The following LRP1B variants were observed in gnomAD, a reference collection of about 807,000 sequenced individuals.
The protein encoded by LRP1B is LDL receptor related protein 1B, also known as low-density lipoprotein receptor-related protein 1B.
In LRP1B, 217 loss-of-function variants were observed where a neutral mutation model predicts 556.6. That is an observed-to-expected ratio of 0.39 (90% CI 0.35 to 0.44). The LOEUF (loss-of-function observed/expected upper bound fraction) is 0.44. Among genes scored for constraint, LRP1B ranks in the 20% least tolerant of loss-of-function variants. LRP1B has a pLI of 1.00. For synonymous variants in LRP1B, 2,047 were observed against 1,865.8 expected, an observed-to-expected ratio of 1.10 and a Z score of -2.50; for missense variants, 5,053 against 5,620.8, an observed-to-expected ratio of 0.90 and a Z score of 3.23.
At chr2:140,479,086 A>T (rs1340156729) in intron 59 of LRP1B, among the ~76,000 whole-genome samples, 1 of 152,002 alleles carries the variant, frequency 6.6e-6, no homozygotes, top group African/African-American at 2.4e-5. Context: ...CTGAAGGAAA[A>T]TGTTGTTCAC....
intron 1 of LRP1B, among the ~76,000 whole-genome samples, chr2:141,987,438 C>T (rs1326360825): frequency 6.6e-6 from 1 of 151,904 alleles, no homozygotes; most frequent in Non-Finnish European, 1.5e-5. Flanking sequence ...TATCCCTGTT[C>T]CTTCCCACTG....
chr2:140,741,048 C>T (rs1193083750), intron 35 of LRP1B, among the ~76,000 whole-genome samples: 2 of 152,138 alleles, frequency 1.3e-5, no homozygotes, highest in East Asian at 3.9e-4. Flanking sequence ...ACACATGATG[C>T]TGCAAATAAC....
chr2:140,660,872 T>C (rs1574207369), intron 41 of LRP1B, among the ~76,000 whole-genome samples: 1 of 41,110 alleles, frequency 2.4e-5, no homozygotes, highest in Non-Finnish European at 3.9e-5. Flanking sequence ...TCTTTTTGTG[T>C]TTTTTTTTTT....
At chr2:142,005,015 TTATA>T (rs1211493963) in intron 1 of LRP1B, among the ~76,000 whole-genome samples, 1 of 148,324 alleles carries the variant, frequency 6.7e-6, no homozygotes, top group Non-Finnish European at 1.5e-5. Flanking sequence ...ATTATAGATA[TTATA>T]TATTTAGTAT....
intron 41 of LRP1B, among the ~76,000 whole-genome samples, chr2:140,652,661 G>GGA (rs1449850736): frequency 3.9e-5 from 6 of 151,940 alleles, no homozygotes; most frequent in Admixed American, 3.9e-4. Context: ...AAAAAATTTA[G>GGA]AATCATGAAA....
At chr2:140,996,435 C>T (rs774964914) in intron 15 of LRP1B, among the ~76,000 whole-genome samples, 17 of 152,028 alleles carry the variant, frequency 1.1e-4, no homozygotes, top group Non-Finnish European at 1.6e-4. Flanking sequence ...GTCTTTTCCC[C>T]GGCATTAAAC....
chr2:140,487,764 T>C lies in LRP1B; in HGVS notation c.9121-25A>G. 4 of 1,416,576 alleles carry C rather than the reference T, an allele frequency of 2.8e-6. 1 individual carries two copies. In the South Asian group the frequency reaches 5.0e-5, roughly 18 times the overall value. The allele number at this position is 1,416,576 out of a possible 1,614,324, so 87.8% of individuals were successfully genotyped here. A position where few individuals can be genotyped will look rare whatever the true frequency, so the allele number is the denominator to read the frequency against. On this transcript the variant is annotated intron_variant, in intron 57 of 90. Coordinates refer to ENST00000389484, the MANE Select transcript of LRP1B (RefSeq NM_018557.3). ...CCTGAAAATAAAAAAGACTATGTTG[T>C]CAATGATAGTTCATAGAAATAATTA...
chr2:140,714,659 A>G (rs1036673790), intron 37 of LRP1B, among the ~76,000 whole-genome samples: 1 of 152,136 alleles, frequency 6.6e-6, no homozygotes, highest in South Asian at 2.1e-4. Flanking sequence ...TATCTATGGG[A>G]TTGCATAACT....
chr2:141,211,958 G>T (rs1049917433), intron 6 of LRP1B, among the ~76,000 whole-genome samples: 3 of 151,876 alleles, frequency 2.0e-5, no homozygotes, highest in Admixed American at 2.0e-4. Flanking sequence ...ACAAACACAA[G>T]ACTATGACTC....
chr2:142,018,786 G>C (rs1278365692), intron 1 of LRP1B, among the ~76,000 whole-genome samples: 1 of 148,444 alleles, frequency 6.7e-6, no homozygotes, highest in East Asian at 1.9e-4. Context: ...CCTGACTTAC[G>C]CTTTTTTTTT....
At chr2:141,450,498 T>C (rs1010973535) in intron 3 of LRP1B, among the ~76,000 whole-genome samples, 1 of 152,026 alleles carries the variant, frequency 6.6e-6, no homozygotes, top group Non-Finnish European at 1.5e-5. Flanking sequence ...AGACCATTTC[T>C]TATACATAAC....
intron 18 of LRP1B, among the ~76,000 whole-genome samples, chr2:140,968,440 G>A (rs1375980317): frequency 2.0e-5 from 3 of 151,056 alleles, no homozygotes; most frequent in African/African-American, 7.3e-5. Context: ...AGTCTTGCTA[G>A]TGGTCTATCA....
chr2:140,934,955 T>C (rs61340682), intron 20 of LRP1B, among the ~76,000 whole-genome samples: 17,650 of 152,162 alleles, frequency 0.12, 1,137 homozygotes, highest in Middle Eastern at 0.16. Context: ...CAAGGGAAAG[T>C]CACAGGCTAA....
chr2:140,824,539 G>A (rs905537666), intron 31 of LRP1B, among the ~76,000 whole-genome samples: 1 of 152,076 alleles, frequency 6.6e-6, no homozygotes, highest in African/African-American at 2.4e-5. Flanking sequence ...GAAAAAGCAA[G>A]AGGAATAAGT....
chr2:142,091,035 G>A (rs1706148559), intron 1 of LRP1B, among the ~76,000 whole-genome samples: 1 of 152,002 alleles, frequency 6.6e-6, no homozygotes, highest in African/African-American at 2.4e-5. Context: ...TTCTCTCATT[G>A]GTTATGAGAG....
At chr2:141,477,259 T>C (rs893558523) in intron 3 of LRP1B, among the ~76,000 whole-genome samples, 1 of 142,904 alleles carries the variant, frequency 7.0e-6, no homozygotes, top group Non-Finnish European at 1.5e-5. Context: ...ACAAAAAGGA[T>C]GCAATGTAAA....
intron 1 of LRP1B, among the ~76,000 whole-genome samples, chr2:141,953,515 C>A (rs923811746): frequency 6.6e-6 from 1 of 151,876 alleles, no homozygotes; most frequent in African/African-American, 2.4e-5. Flanking sequence ...TTATCAGAGT[C>A]TAAAGTTCTA....
intron 7 of LRP1B, among the ~76,000 whole-genome samples, chr2:141,123,536 C>T (rs1701120793): frequency 6.6e-6 from 1 of 151,990 alleles, no homozygotes; most frequent in Admixed American, 6.6e-5. Context: ...TTTAAACTAG[C>T]TACTATTCTG....
At chr2:141,605,756 G>T (rs929928478) in intron 2 of LRP1B, among the ~76,000 whole-genome samples, 1 of 152,190 alleles carries the variant, frequency 6.6e-6, no homozygotes, top group Non-Finnish European at 1.5e-5. Flanking sequence ...CAGCCACAAA[G>T]TTAGAAGTGG....
Sources: allele counts gnomAD v4.1 joint callset (sites outside exome capture counted in the v4.1 genomes callset), GRCh38; gene constraint gnomAD v4.1.1; transcripts MANE v1.5; gene names NCBI Gene and HGNC (gene_info 2026-07-23, HGNC 2026-07-21).